Variants in RBFOX1 observed in about 807,000 individuals in gnomAD.
RBFOX1 encodes the protein RNA binding protein fox-1 homolog 1.
Under a neutral mutation model 57.7 loss-of-function variants are expected in RBFOX1, and 8 were observed. That is an observed-to-expected ratio of 0.14 (90% CI 0.08 to 0.25). The LOEUF is 0.25. RBFOX1 is among the 10% of genes least tolerant of loss of function. RBFOX1 has a pLI of 1.00. For synonymous variants in RBFOX1, 326 were observed against 222.4 expected (o/e 1.47, Z -4.15); for missense variants, 611 against 548.5 (o/e 1.11, Z -1.14).
At chr16:6,939,570 G>C (rs991321525) in intron 3 of RBFOX1, among the ~76,000 whole-genome samples, 2 of 150,244 alleles carry the variant, frequency 1.3e-5, no homozygotes, top group Non-Finnish European at 2.9e-5. Context: ...GAGTTCAGTG[G>C]GAGTGATTTC....
At chr16:6,945,201 A>G (rs890518373) in intron 3 of RBFOX1, among the ~76,000 whole-genome samples, 19 of 152,126 alleles carry the variant, frequency 1.2e-4, no homozygotes, top group Non-Finnish European at 2.4e-4. Flanking sequence ...TAGGAAAGCA[A>G]ATTGGCAGCA....
intron 4 of RBFOX1, among the ~76,000 whole-genome samples, chr16:7,434,898 C>A (rs751832239): frequency 7.9e-5 from 12 of 152,054 alleles, no homozygotes; most frequent in Non-Finnish European, 1.5e-4. Flanking sequence ...CACCACCACA[C>A]TGGGCTAATT....
intron 1 of RBFOX1, among the ~76,000 whole-genome samples, chr16:6,277,484 A>T (rs1330775958): frequency 1.4e-5 from 2 of 146,730 alleles, no homozygotes; most frequent in Admixed American, 6.8e-5. Flanking sequence ...AAAAACCTCA[A>T]TTTTTATCAG....
At chr16:7,324,926 T>C (rs1265857681) in intron 4 of RBFOX1, among the ~76,000 whole-genome samples, 2 of 152,220 alleles carry the variant, frequency 1.3e-5, no homozygotes, top group African/African-American at 4.8e-5. Flanking sequence ...GTTTCAAAAA[T>C]TGCATTTTCC....
intron 3 of RBFOX1, among the ~76,000 whole-genome samples, chr16:5,713,064 A>G (rs2051554294): frequency 6.6e-6 from 1 of 152,162 alleles, no homozygotes; most frequent in Admixed American, 6.5e-5. Flanking sequence ...TGGGTAGGGG[A>G]TGTGCAGAAA....
chr16:5,625,668 C>T (rs1484149801), intron 3 of RBFOX1, among the ~76,000 whole-genome samples: 1 of 151,762 alleles, frequency 6.6e-6, no homozygotes, highest in Non-Finnish European at 1.5e-5. Context: ...AGTGATTCTC[C>T]TTCCTCAGCC....
At chr16:5,602,609 G>T (rs911409522), downstream of RBFOX1, among the ~76,000 whole-genome samples, 1 of 152,204 alleles carries the variant, frequency 6.6e-6, no homozygotes, top group African/African-American at 2.4e-5. Flanking sequence ...CTTTCTCTGA[G>T]TGCAGAGAGA....
chr16:6,749,079 C>G (rs2074378873), intron 3 of RBFOX1: 1 of 152,142 alleles, frequency 6.6e-6, no homozygotes, highest in South Asian at 2.1e-4. Flanking sequence ...ATATTTCTGT[C>G]CACAGTTGAG....
Position 5,399,665 on chromosome 16 carries a change from G to C in RBFOX1, c.220-67551G>C, listed in dbSNP as rs181954442. Among the ~76,000 whole-genome samples the C allele has an allele frequency of 9.9e-5, 15 of 152,078 alleles. No individual in the cohort carries two copies. The East Asian group carries it at 2.9e-3, about 29-fold the overall frequency. Reference sequence around the variant, plus strand: ...GTGGGAGGATTACCTGAGCACAGGAGATCAAGGCTGCAGTGACCCATGCTT... The same window carrying C: ...GTGGGAGGATTACCTGAGCACAGGACATCAAGGCTGCAGTGACCCATGCTT... On this transcript the variant is annotated intron_variant, in intron 1 of 2. Transcript: ENST00000585867.
At chr16:6,847,952 C>T (rs2093849231) in intron 3 of RBFOX1, among the ~76,000 whole-genome samples, 1 of 152,046 alleles carries the variant, frequency 6.6e-6, no homozygotes, top group African/African-American at 2.4e-5. Flanking sequence ...GCCTCAGCCT[C>T]CCAAATAGCT....
chr16:6,690,949 T>G (rs1382530908), intron 3 of RBFOX1, among the ~76,000 whole-genome samples: 1 of 152,082 alleles, frequency 6.6e-6, no homozygotes, highest in African/African-American at 2.4e-5. Context: ...TGTGATGAGG[T>G]TGGCTGGGCA....
At chr16:7,691,104 G>GT (rs984584439) in intron 14 of RBFOX1, among the ~76,000 whole-genome samples, 49 of 152,174 alleles carry the variant, frequency 3.2e-4, no homozygotes, top group African/African-American at 1.1e-3. Context: ...TAGTGGGATT[G>GT]TTTATGTGGA....
At chr16:7,178,217 C>T (rs1166833535) in intron 4 of RBFOX1, among the ~76,000 whole-genome samples, 1 of 151,888 alleles carries the variant, frequency 6.6e-6, no homozygotes, top group Non-Finnish European at 1.5e-5. Context: ...CTTTCCTCCA[C>T]ACAGTGACCT....
rs113589387 is a variant in RBFOX1 at position 7,578,984 on chromosome 16, C to T, written c.271-793C>T. Among the ~76,000 whole-genome samples the T allele has an allele frequency of 6.8e-3, 1,035 of 152,218 alleles. 14 individuals carry two copies. Among genetic ancestry groups the T allele is most frequent in the African/African-American group, 0.024 (991 of 41,518 alleles). On this transcript the variant is annotated intron_variant, in intron 5 of 15. Transcript: ENST00000550418. ...AGTTATGCTGATGATGTTACATGGT[C>T]TAGGCAAACAGAGCACAACAGCACT...
intron 2 of RBFOX1, among the ~76,000 whole-genome samples, chr16:6,590,366 C>A (rs923242592): frequency 6.6e-6 from 1 of 152,144 alleles, no homozygotes; most frequent in Admixed American, 6.5e-5. Context: ...TTCTTCCCAC[C>A]TCCCTGGGGT....
chr16:6,721,157 T>G (rs762585550), intron 3 of RBFOX1, among the ~76,000 whole-genome samples: 1 of 152,190 alleles, frequency 6.6e-6, no homozygotes, highest in Non-Finnish European at 1.5e-5. Context: ...AAACATATCA[T>G]GTTGGCCGGG....
In RBFOX1 at chr16:7,273,200, CCCTCCCTTCCTTCCTT is replaced by C. The variant is rs1231905272; in HGVS notation, c.27+221106_27+221121del. On this transcript the variant is annotated intron_variant, in intron 4 of 15. Coordinates refer to ENST00000550418, the MANE Select transcript of RBFOX1 (RefSeq NM_018723.4). ...TCCCTTCCTTCCTCCCTTCCTTCCT[CCCTCCCTTCCTTCCTT>C]CCTTCCTTCCTTCCTTCCTTCCTTC... Among the ~76,000 whole-genome samples the C allele has an allele frequency of 4.5e-4, 24 of 53,378 alleles. 2 individuals are homozygous for C. Among genetic ancestry groups the C allele is most frequent in the African/African-American group, 1.2e-3 (16 of 12,864 alleles). 35.0% of individuals were successfully genotyped at this position (53,378 alleles called of 152,430 possible). A position where few individuals can be genotyped will look rare whatever the true frequency, so the allele number is the denominator to read the frequency against.
At chr16:7,429,176 C>A (rs933880328) in intron 4 of RBFOX1, among the ~76,000 whole-genome samples, 1 of 152,142 alleles carries the variant, frequency 6.6e-6, no homozygotes, top group Non-Finnish European at 1.5e-5. Context: ...ATCTTGTGAA[C>A]CAGAGCAAGT....
intron 1 of RBFOX1, among the ~76,000 whole-genome samples, chr16:6,252,356 C>A (rs561712290): frequency 8.7e-4 from 132 of 152,074 alleles, no homozygotes; most frequent in Admixed American, 2.0e-3. Flanking sequence ...CTGCATCAGA[C>A]CTTAGGATAA....
Sources: gnomAD v4.1 joint callset for allele counts (sites outside exome capture counted in the v4.1 genomes callset) on GRCh38, gnomAD v4.1.1 for gene constraint, MANE v1.5 for transcripts, NCBI Gene and HGNC (gene_info 2026-07-23, HGNC 2026-07-21) for gene names.